Variants in CCDC85C observed in about 807,000 individuals in gnomAD.
CCDC85C encodes the protein coiled-coil domain-containing protein 85C.
CCDC85C carries 18 observed loss-of-function variants against 38.3 expected under a neutral mutation model. The observed-to-expected ratio is 0.47, with a 90% confidence interval of 0.33 to 0.70. The LOEUF (loss-of-function observed/expected upper bound fraction) is 0.70, where lower values mean the gene tolerates loss of function less well. Among genes scored for constraint, CCDC85C ranks in the 30% least tolerant of loss-of-function variants. The pLI is 0.03. For missense variants in CCDC85C, 566 were observed against 621.2 expected, an observed-to-expected ratio of 0.91 and a Z score of 0.94; for synonymous variants, 264 against 293.8, an observed-to-expected ratio of 0.90 and a Z score of 1.04.
intron 1 of CCDC85C, among the ~76,000 whole-genome samples, chr14:99,594,775 T>C (rs567022157): frequency 1.1e-4 from 17 of 152,262 alleles, no homozygotes; most frequent in Admixed American, 8.5e-4. Flanking sequence ...TTACACATGG[T>C]TGGGTCTCAA....
Position 99,503,634 on chromosome 14 carries a change from C to T in CCDC85C, c.*11612G>A. On this transcript the variant is annotated 3_prime_UTR_variant, in exon 6 of 6. Coordinates refer to ENST00000380243, the MANE Select transcript of CCDC85C (RefSeq NM_001144995.2). ...AGGTTGTTTCTCCCAAAGAAGAGAA[C>T]AAAGCAGCAGGTAATTTCCTGTTCT... 6.4e-7 allele frequency: 1 copy of T among 1,560,184 alleles called. No homozygotes were observed. The highest frequency in any genetic ancestry group is 8.7e-7 in the Non-Finnish European group (1 of 1,150,028).
chr14:99,510,269 G>C lies in CCDC85C; in HGVS notation c.*4977C>G. 1.3e-6 allele frequency: 2 copies of C among 1,482,344 alleles called. No individual in the cohort carries two copies. Among genetic ancestry groups the C allele is most frequent in the Non-Finnish European group, 9.0e-7 (1 of 1,108,728 alleles). 91.8% of individuals were successfully genotyped at this position (1,482,344 alleles called of 1,614,324 possible). ...CCCCTCCGGCCCACCCGGCCCCTGT[G>C]CACCAGCCACCGCCGCTGCCACACC... On this transcript the variant is annotated 3_prime_UTR_variant, in exon 6 of 6. Coordinates refer to ENST00000380243, the MANE Select transcript of CCDC85C (RefSeq NM_001144995.2).
At position 99,512,308 on chromosome 14, in the gene CCDC85C, CG is replaced by C. The variant is rs1403431379; in HGVS notation, c.*2937del. On this transcript the variant is annotated 3_prime_UTR_variant, in exon 6 of 6. Transcript: ENST00000380243. ...TTCTACAGAAAATAGACGTAGCTGC[CG>C]GGCCCGGGGACAGAAACCAGACGTT... 6.6e-6 allele frequency: 1 copy of C among 151,944 alleles called. No homozygotes were observed. The highest frequency in any genetic ancestry group is 1.5e-5 in the Non-Finnish European group (1 of 68,004). The allele number at this position is 151,944 out of a possible 1,614,324, so 9.4% of individuals were successfully genotyped here. A position where few individuals can be genotyped will look rare whatever the true frequency, so the allele number is the denominator to read the frequency against.
At chr14:99,546,739 C>T (rs553183011) in intron 1 of CCDC85C, among the ~76,000 whole-genome samples, 2 of 151,968 alleles carry the variant, frequency 1.3e-5, no homozygotes, top group African/African-American at 2.4e-5. Flanking sequence ...ACGGTGCCGG[C>T]GGGGAAAGAA....
rs1291894102 is a variant in CCDC85C, at chr14:99,509,764, A to T, written c.*5482T>A. On this transcript the variant is annotated 3_prime_UTR_variant, in exon 6 of 6. Coordinates refer to ENST00000380243, the MANE Select transcript of CCDC85C (RefSeq NM_001144995.2). The stretch of plus-strand genomic sequence containing the variant: ...TTTCTGCAAAATGCCACTGCTGCAG[A>T]CAGGAGTTCAGTGTGGCCCTGACCC... The T allele has an allele frequency of 1.2e-5, 3 of 244,756 alleles. No homozygotes were observed. Among genetic ancestry groups the T allele is most frequent in the Non-Finnish European group, 1.6e-5 (2 of 126,952 alleles). The allele number at this position is 244,756 out of a possible 1,614,324, so 15.2% of individuals were successfully genotyped here. A position where few individuals can be genotyped will look rare whatever the true frequency, so the allele number is the denominator to read the frequency against.
At position 99,509,954 on chromosome 14, in the gene CCDC85C, C is replaced by T. The variant is rs942765480; in HGVS notation, c.*5292G>A. 4 of 607,604 alleles carry T rather than the reference C, an allele frequency of 6.6e-6. No homozygotes were observed. The highest frequency in any genetic ancestry group is 1.2e-5 in the Non-Finnish European group (4 of 346,182). The allele number at this position is 607,604 out of a possible 1,614,324, so 37.6% of individuals were successfully genotyped here. On this transcript the variant is annotated 3_prime_UTR_variant, in exon 6 of 6. Coordinates refer to ENST00000380243, the MANE Select transcript of CCDC85C (RefSeq NM_001144995.2). ...AGGGAAAACCCCAGGTCGTCGCAGA[C>T]AGGGTGGAGGGCCTTCTTGACAGAT...
rs577113336 is a variant in CCDC85C, at chr14:99,559,091, G to A, written c.794-23003C>T. Among the ~76,000 whole-genome samples the A allele has an allele frequency of 3.9e-5, 6 of 152,276 alleles. No homozygotes were observed. In the East Asian group the frequency reaches 1.2e-3, roughly 29 times the overall value. ...TTCCTGAGGCCACCCCAGAAGCTGA[G>A]CAGGTGCTGCCATGCTTCCTGGACA... On this transcript the variant is annotated intron_variant, in intron 1 of 5. Transcript: ENST00000380243.
chr14:99,557,279 TA>T (rs1357885432), intron 1 of CCDC85C, among the ~76,000 whole-genome samples: 1 of 152,210 alleles, frequency 6.6e-6, no homozygotes, highest in Non-Finnish European at 1.5e-5. Flanking sequence ...GCCCAGGCTC[TA>T]ATTCACCAGG....
chr14:99,559,489 G>A (rs79221991), intron 1 of CCDC85C, among the ~76,000 whole-genome samples: 3 of 55,366 alleles, frequency 5.4e-5, no homozygotes, highest in East Asian at 1.9e-3. Context: ...GACACACTTC[G>A]TCACCCACCA....
At chr14:99,525,775 G>T (rs955029451) in intron 2 of CCDC85C, among the ~76,000 whole-genome samples, 8 of 152,228 alleles carry the variant, frequency 5.3e-5, no homozygotes, top group African/African-American at 1.9e-4. Flanking sequence ...CGAAGCCCCA[G>T]GCTGATTCAT....
intron 1 of CCDC85C, among the ~76,000 whole-genome samples, chr14:99,550,437 T>C (rs976070931): frequency 1.9e-4 from 29 of 152,184 alleles, no homozygotes; most frequent in African/African-American, 5.5e-4. Context: ...GCCCTGCTGA[T>C]GCCTTGATTT....
Position 99,502,571 on chromosome 14 carries a change from C to T in CCDC85C, c.*12675G>A, listed in dbSNP as rs1896860226. 8.4e-7 allele frequency: 1 copy of T among 1,185,414 alleles called. No individual in the cohort carries two copies. The highest frequency in any genetic ancestry group is 1.2e-6 in the Non-Finnish European group (1 of 849,638). 73.4% of individuals were successfully genotyped at this position (1,185,414 alleles called of 1,614,324 possible). On this transcript the variant is annotated 3_prime_UTR_variant, in exon 6 of 6. Coordinates refer to ENST00000380243, the MANE Select transcript of CCDC85C (RefSeq NM_001144995.2). The stretch of plus-strand genomic sequence containing the variant: ...CTTTTGGTAAACTAAAAATACACAC[C>T]AGTGTTGCACACAACGAAGATGGGG...
intron 1 of CCDC85C, among the ~76,000 whole-genome samples, chr14:99,562,807 G>A (rs1172942601): frequency 6.6e-6 from 1 of 151,894 alleles, no homozygotes; most frequent in Non-Finnish European, 1.5e-5. Flanking sequence ...ACAAAGGCAC[G>A]CTCCCAGAAA....
At position 99,545,091 on chromosome 14, in the gene CCDC85C, C is replaced by A. The variant is rs184813422; in HGVS notation, c.794-9003G>T. ...ACGGCTGCCCTAATGAGAATGAAATCTCCTGGTGCTGGCCGGTCAGCCTTC... is the reference window on the plus strand; with the variant it reads ...ACGGCTGCCCTAATGAGAATGAAATATCCTGGTGCTGGCCGGTCAGCCTTC... On this transcript the variant is annotated intron_variant, in intron 1 of 5. Coordinates refer to ENST00000380243, the MANE Select transcript of CCDC85C (RefSeq NM_001144995.2). This position sits in a 1 kb window ranked among gnomAD's most constrained non-coding sequence, Gnocchi z 4.7. Among the ~76,000 whole-genome samples the A allele has an allele frequency of 1.2e-3, 181 of 152,332 alleles. No homozygotes were observed. Among genetic ancestry groups the A allele is most frequent in the African/African-American group, 4.1e-3 (169 of 41,576 alleles).
chr14:99,515,872 G>A (rs956794464), intron 5 of CCDC85C, among the ~76,000 whole-genome samples: 14 of 151,890 alleles, frequency 9.2e-5, no homozygotes, highest in African/African-American at 2.9e-4. Flanking sequence ...AGCACCCAGG[G>A]AACACCTGGG....
intron 2 of CCDC85C, among the ~76,000 whole-genome samples, chr14:99,524,975 G>A (rs989539407): frequency 6.6e-6 from 1 of 152,232 alleles, no homozygotes; most frequent in African/African-American, 2.4e-5. Context: ...TTAACAGGGT[G>A]GGGCCAGCCC....
chr14:99,522,275 G>A, intron 2 of CCDC85C, 35 bp from the exon 3 acceptor site: 3 of 1,486,510 alleles, frequency 2.0e-6, no homozygotes, highest in Non-Finnish European at 1.8e-6. Flanking sequence ...TTAGACGGAG[G>A]GCCAGGCTGA....
chr14:99,506,172 A>T lies in CCDC85C; in HGVS notation c.*9074T>A, dbSNP rs922249716. 3 of 152,250 alleles carry T rather than the reference A, an allele frequency of 2.0e-5. No individual in the cohort carries two copies. Among genetic ancestry groups the T allele is most frequent in the African/African-American group, 7.2e-5 (3 of 41,434 alleles). 9.4% of individuals were successfully genotyped at this position (152,250 alleles called of 1,614,324 possible). On this transcript the variant is annotated 3_prime_UTR_variant, in exon 6 of 6. Coordinates refer to ENST00000380243, the MANE Select transcript of CCDC85C (RefSeq NM_001144995.2). ...CTGAGGAAGAGGGTGAAGAGAGAGG[A>T]AGTCCCTGGAACTTAAATTGAGCCT...
intron 1 of CCDC85C, among the ~76,000 whole-genome samples, chr14:99,574,273 G>A (rs1898422430): frequency 6.6e-6 from 1 of 150,836 alleles, no homozygotes; most frequent in African/African-American, 2.5e-5. Context: ...CAACAAAGAA[G>A]TGAACATTGC....
Sources: gnomAD v4.1 joint callset for allele counts (sites outside exome capture counted in the v4.1 genomes callset) on GRCh38, gnomAD v4.1.1 for gene constraint, Gnocchi (gnomAD v3.1) non-coding constraint, MANE v1.5 for transcripts, NCBI Gene and HGNC (gene_info 2026-07-23, HGNC 2026-07-21) for gene names.